Variants in EIF3E observed in about 807,000 individuals in gnomAD.
EIF3E encodes the protein eIF-3 p48.
A neutral mutation model predicts 59.3 loss-of-function variants in EIF3E; 25 were observed. The ratio of observed to expected loss-of-function variants is 0.42; its 90% CI spans 0.31 to 0.59. The LOEUF is 0.59. Ranked by LOEUF, EIF3E falls within the 20% of genes least tolerant of loss-of-function variation. The pLI is 0.15. For synonymous variants in EIF3E, 176 were observed against 170.2 expected, an observed-to-expected ratio of 1.03 and a Z score of -0.26; for missense variants, 317 against 534.3, an observed-to-expected ratio of 0.59 and a Z score of 4.01.
chr8:108,209,851 G>C, intron 10 of EIF3E, among the ~76,000 whole-genome samples: 1 of 152,116 alleles, frequency 6.6e-6, no homozygotes, highest in East Asian at 1.9e-4. Context: ...CACTATAAAA[G>C]AGCAGCTTGA....
At chr8:108,210,306 C>T (rs1364278080) in intron 10 of EIF3E, among the ~76,000 whole-genome samples, 1 of 152,130 alleles carries the variant, frequency 6.6e-6, no homozygotes, top group East Asian at 1.9e-4. Flanking sequence ...ATCCCAGATT[C>T]TCAAGCCTGC....
intron 3 of EIF3E, among the ~76,000 whole-genome samples, chr8:108,239,135 T>C (rs2129919192): frequency 6.6e-6 from 1 of 152,332 alleles, no homozygotes; most frequent in Non-Finnish European, 1.5e-5. Flanking sequence ...TATAACGAGA[T>C]ACCCATGTGT....
At chr8:108,235,404 A>AT (rs1416982192) in intron 4 of EIF3E, among the ~76,000 whole-genome samples, 4 of 152,220 alleles carry the variant, frequency 2.6e-5, no homozygotes, top group African/African-American at 9.6e-5. Context: ...CTGGATTCGC[A>AT]TAAGGAGCGT....
intron 5 of EIF3E, 56 bp downstream of exon 5, chr8:108,234,942 A>C: frequency 8.6e-7 from 1 of 1,164,508 alleles, no homozygotes; most frequent in Non-Finnish European, 1.2e-6. Context: ...TGAAGAACCA[A>C]GGGAATCCTA....
At chr8:108,247,109 C>T (rs1815962966) in intron 1 of EIF3E, among the ~76,000 whole-genome samples, 1 of 152,264 alleles carries the variant, frequency 6.6e-6, no homozygotes, top group African/African-American at 2.4e-5. Flanking sequence ...AACATTTTCT[C>T]CAAAGAGGTG....
intron 5 of EIF3E, chr8:108,233,285 G>A (rs1238234459): frequency 6.6e-6 from 1 of 152,172 alleles, no homozygotes; most frequent in African/African-American, 2.4e-5. Context: ...GTTTCAAAAA[G>A]TGAAGTTGTC....
At chr8:108,210,758 CA>C (rs780342377) in intron 10 of EIF3E, among the ~76,000 whole-genome samples, 119 of 152,174 alleles carry the variant, frequency 7.8e-4, no homozygotes, top group Non-Finnish European at 1.4e-3. Flanking sequence ...CCCCCCACCC[CA>C]CGACAGGCCC....
At chr8:108,207,075 C>T (rs981549032) in intron 10 of EIF3E, among the ~76,000 whole-genome samples, 1 of 152,164 alleles carries the variant, frequency 6.6e-6, no homozygotes, top group East Asian at 1.9e-4. Flanking sequence ...CCAAGGAATA[C>T]TAGTAAATAA....
At chr8:108,235,161 T>A in intron 4 of EIF3E, 59 bp from the exon 5 acceptor site, 2 of 1,097,216 alleles carry the variant, frequency 1.8e-6, no homozygotes, top group Non-Finnish European at 2.5e-6. Flanking sequence ...AACCCCATTG[T>A]AATTCATAAG....
intron 12 of EIF3E, 44 bp downstream of exon 12, chr8:108,202,939 T>C (rs779128344): frequency 6.4e-7 from 1 of 1,563,896 alleles, no homozygotes; most frequent in South Asian, 1.2e-5. Context: ...AACAATTACA[T>C]GGTTGCTAAA....
At chr8:108,239,547 G>A (rs1430380496) in intron 3 of EIF3E, among the ~76,000 whole-genome samples, 1 of 118,506 alleles carries the variant, frequency 8.4e-6, no homozygotes, top group Non-Finnish European at 1.8e-5. Context: ...TTCTTTGTTG[G>A]GGAGTAGCGG....
chr8:108,219,690 A>G (rs937043477), intron 7 of EIF3E, among the ~76,000 whole-genome samples: 3 of 152,058 alleles, frequency 2.0e-5, no homozygotes, highest in Non-Finnish European at 2.9e-5. Context: ...AGCCTGGGCA[A>G]CATAGTGAAA....
intron 3 of EIF3E, among the ~76,000 whole-genome samples, chr8:108,238,609 G>C (rs1754862984): frequency 6.6e-6 from 1 of 152,132 alleles, no homozygotes; most frequent in Non-Finnish European, 1.5e-5. Context: ...GCAGAACAGA[G>C]AGCTAACTGC....
At chr8:108,243,827 T>G (rs562572776) in intron 1 of EIF3E, among the ~76,000 whole-genome samples, 2 of 152,244 alleles carry the variant, frequency 1.3e-5, no homozygotes, top group East Asian at 3.9e-4. Context: ...CCTTAACTTC[T>G]CATCACTTTG....
At chr8:108,233,434 G>C (rs1815660542) in intron 5 of EIF3E, 1 of 153,548 alleles carries the variant, frequency 6.5e-6, no homozygotes, top group South Asian at 1.9e-4. Context: ...GGAGCTACAA[G>C]TGAAGAAAAA....
intron 10 of EIF3E, among the ~76,000 whole-genome samples, chr8:108,213,501 C>T (rs1460309455): frequency 1.3e-5 from 2 of 152,106 alleles, no homozygotes; most frequent in Non-Finnish European, 2.9e-5. Flanking sequence ...AAAAAGCACC[C>T]AAATGACCAC....
In EIF3E at chr8:108,206,633, G is replaced by GACACACAC. The variant is rs148591843; in HGVS notation, c.1062-3138_1062-3131dup. ...ACACACACACTGGCATGGTCGCACA[G>GACACACAC]ACACACACACACATACACACGCACG... On this transcript the variant is annotated intron_variant, in intron 10 of 12. Coordinates refer to ENST00000220849, the MANE Select transcript of EIF3E (RefSeq NM_001568.3). 2.1e-3 allele frequency among the ~76,000 whole-genome samples: 315 copies of GACACACAC among 150,872 alleles called. 2 individuals are homozygous for GACACACAC. The highest frequency in any genetic ancestry group is 6.9e-3 in the South Asian group (33 of 4,750).
chr8:108,219,106 C>T (rs1412877666), intron 7 of EIF3E, among the ~76,000 whole-genome samples: 3 of 151,886 alleles, frequency 2.0e-5, no homozygotes, highest in Non-Finnish European at 4.4e-5. Context: ...TTTTAGTGCA[C>T]GTTTATGAGA....
intron 1 of EIF3E, among the ~76,000 whole-genome samples, chr8:108,246,445 C>T (rs980056924): frequency 1.3e-5 from 2 of 152,058 alleles, no homozygotes; most frequent in Non-Finnish European, 2.9e-5. Flanking sequence ...CCTACCTCTT[C>T]GACATTTATT....
Sources: gnomAD v4.1 joint callset for allele counts (sites outside exome capture counted in the v4.1 genomes callset) on GRCh38, gnomAD v4.1.1 for gene constraint, MANE v1.5 for transcripts, NCBI Gene and HGNC (gene_info 2026-07-23, HGNC 2026-07-21) for gene names.